Variants in CACNA2D3 observed in about 807,000 individuals in gnomAD.
CACNA2D3 encodes the protein voltage-dependent calcium channel subunit alpha-2/delta-3.
A neutral mutation model predicts 160.6 loss-of-function variants in CACNA2D3; 60 were observed. That is an observed-to-expected ratio of 0.37 (90% CI 0.30 to 0.46). CACNA2D3 has a LOEUF of 0.46. Ranked by LOEUF, CACNA2D3 falls within the 20% of genes least tolerant of loss-of-function variation. The pLI, the probability that CACNA2D3 is intolerant of heterozygous loss-of-function variation, is 1.00. For missense variants in CACNA2D3, 1,205 were observed against 1,365.0 expected, an observed-to-expected ratio of 0.88 and a Z score of 1.85; for synonymous variants, 558 against 492.9, an observed-to-expected ratio of 1.13 and a Z score of -1.75.
chr3:54,237,008 C>CTTT (rs74553858), intron 2 of CACNA2D3, among the ~76,000 whole-genome samples: 9 of 140,832 alleles, frequency 6.4e-5, no homozygotes, highest in African/African-American at 2.3e-4. Context: ...CCTGAAACTT[C>CTTT]TTTTTTTTTT....
intron 5 of CACNA2D3, among the ~76,000 whole-genome samples, chr3:54,549,598 G>C (rs1399109066): frequency 6.6e-6 from 1 of 152,150 alleles, no homozygotes; most frequent in Non-Finnish European, 1.5e-5. Context: ...GTGTGATGCT[G>C]CTCCCCATTC....
intron 35 of CACNA2D3, among the ~76,000 whole-genome samples, chr3:55,063,797 C>T (rs1378072108): frequency 1.3e-5 from 2 of 152,104 alleles, no homozygotes; most frequent in Non-Finnish European, 2.9e-5. Flanking sequence ...TTGGGAAGGA[C>T]CACCTCAAGA....
At chr3:54,797,599 G>T (rs771233879) in intron 13 of CACNA2D3, among the ~76,000 whole-genome samples, 149 of 152,088 alleles carry the variant, frequency 9.8e-4, no homozygotes, top group Non-Finnish European at 8.4e-4. Context: ...TTTCACTTTT[G>T]CAAGTTCTTT....
At chr3:54,935,621 C>G (rs561966952) in intron 27 of CACNA2D3, among the ~76,000 whole-genome samples, 2 of 152,282 alleles carry the variant, frequency 1.3e-5, no homozygotes, top group Admixed American at 6.5e-5. Context: ...ATTGTTTGCT[C>G]ATGTTAACAC....
At chr3:54,455,559 G>A (rs1700383354) in intron 4 of CACNA2D3, among the ~76,000 whole-genome samples, 2 of 151,856 alleles carry the variant, frequency 1.3e-5, no homozygotes, top group Admixed American at 6.6e-5. Context: ...CCTTTGCTGT[G>A]CAGAAGTATT....
At chr3:54,453,834 G>A (rs934916697) in intron 4 of CACNA2D3, among the ~76,000 whole-genome samples, 5 of 152,152 alleles carry the variant, frequency 3.3e-5, no homozygotes, top group East Asian at 1.9e-4. Flanking sequence ...TTATTAGTTC[G>A]AGCTGTGCAA....
intron 28 of CACNA2D3, among the ~76,000 whole-genome samples, chr3:54,969,536 A>T (rs1442460694): frequency 6.6e-6 from 1 of 152,178 alleles, no homozygotes; most frequent in African/African-American, 2.4e-5. Flanking sequence ...CAGGGATTAC[A>T]GGTGTGAGCC....
intron 16 of CACNA2D3, among the ~76,000 whole-genome samples, chr3:54,839,927 T>C (rs1559601021): frequency 6.6e-6 from 1 of 152,088 alleles, no homozygotes; most frequent in Non-Finnish European, 1.5e-5. Flanking sequence ...ACCCACATAA[T>C]AAATATTGGA....
rs771161383 is a variant in CACNA2D3 at position 54,265,716 on chromosome 3, ACG to A, written c.205-54724_205-54723del. 2.7e-4 allele frequency among the ~76,000 whole-genome samples: 39 copies of A among 146,716 alleles called. 1 individual carries two copies. The highest frequency in any genetic ancestry group is 1.6e-3 in the Admixed American group (22 of 13,664). On this transcript the variant is annotated intron_variant, in intron 2 of 37. Coordinates refer to ENST00000474759, the MANE Select transcript of CACNA2D3 (RefSeq NM_018398.3). The stretch of plus-strand genomic sequence containing the variant: ...GTGGGTATATATAGTGTGTTTATAT[ACG>A]CACACACACAGATGCATTGTTCTTT...
intron 2 of CACNA2D3, among the ~76,000 whole-genome samples, chr3:54,312,338 C>A (rs1703760553): frequency 6.6e-6 from 1 of 152,150 alleles, no homozygotes; most frequent in South Asian, 2.1e-4. Context: ...CATGCACCCA[C>A]TCTTTGGCTA....
intron 2 of CACNA2D3, among the ~76,000 whole-genome samples, chr3:54,207,541 CT>C (rs149348114): frequency 0.031 from 4,779 of 152,190 alleles, 137 homozygotes; most frequent in South Asian, 0.12. Flanking sequence ...ATTTCTCTCC[CT>C]TGCACAAACC....
intron 5 of CACNA2D3, among the ~76,000 whole-genome samples, chr3:54,524,346 C>T (rs1701692504): frequency 6.6e-6 from 1 of 152,064 alleles, no homozygotes; most frequent in Non-Finnish European, 1.5e-5. Flanking sequence ...AATTTTATTG[C>T]ATTGTGGTCA....
At chr3:54,913,083 T>C (rs912079312) in intron 27 of CACNA2D3, among the ~76,000 whole-genome samples, 1 of 151,786 alleles carries the variant, frequency 6.6e-6, no homozygotes, top group Non-Finnish European at 1.5e-5. Context: ...CTGCTCTGTT[T>C]TGTTTTGTGT....
intron 4 of CACNA2D3, among the ~76,000 whole-genome samples, chr3:54,494,358 C>T (rs1701169824): frequency 6.6e-6 from 1 of 152,184 alleles, no homozygotes; most frequent in Non-Finnish European, 1.5e-5. Flanking sequence ...AAGCAGAACA[C>T]ACAATCGTCC....
At chr3:54,221,490 C>T (rs1701571391) in intron 2 of CACNA2D3, among the ~76,000 whole-genome samples, 1 of 152,156 alleles carries the variant, frequency 6.6e-6, no homozygotes. Flanking sequence ...TGCGGTTGTT[C>T]CAAATGTGAA....
chr3:54,284,432 T>C (rs1355470420), intron 2 of CACNA2D3, among the ~76,000 whole-genome samples: 1 of 152,006 alleles, frequency 6.6e-6, no homozygotes, highest in East Asian at 1.9e-4. Flanking sequence ...TTGACAAATA[T>C]ACCACAATAA....
At chr3:54,403,649 C>T (rs1276427660) in intron 4 of CACNA2D3, among the ~76,000 whole-genome samples, 1 of 151,872 alleles carries the variant, frequency 6.6e-6, no homozygotes, top group Non-Finnish European at 1.5e-5. Flanking sequence ...TAATAAAAAT[C>T]AGAACAGAAA....
intron 4 of CACNA2D3, among the ~76,000 whole-genome samples, chr3:54,415,590 A>T (rs914772995): frequency 6.6e-6 from 1 of 152,236 alleles, no homozygotes; most frequent in African/African-American, 2.4e-5. Context: ...CTAATAGGAT[A>T]TAGTAACAAT....
intron 14 of CACNA2D3, among the ~76,000 whole-genome samples, chr3:54,830,425 A>G (rs1366204249): frequency 6.6e-6 from 1 of 151,330 alleles, no homozygotes; most frequent in Non-Finnish European, 1.5e-5. Flanking sequence ...TAGGTAACTA[A>G]ACGACATCAG....
Sources: gnomAD v4.1 joint callset for allele counts (sites outside exome capture counted in the v4.1 genomes callset) on GRCh38, gnomAD v4.1.1 for gene constraint, MANE v1.5 for transcripts, NCBI Gene and HGNC (gene_info 2026-07-23, HGNC 2026-07-21) for gene names.